SAMMSON: variants seen among roughly 807,000 people sequenced by gnomAD.
SAMMSON encodes the protein survival associated mitochondrial melanoma specific oncogenic non-coding RNA, also known as long intergenic non-protein coding RNA 1212.
At chr3:70,029,848 A>C (rs565409346) in intron 3 of SAMMSON, among the ~76,000 whole-genome samples, 6 of 152,130 alleles carry the variant, frequency 3.9e-5, no homozygotes, top group African/African-American at 1.4e-4. Flanking sequence ...AATAGGAAGA[A>C]TTGGTTGAAA....
intron 6 of SAMMSON, among the ~76,000 whole-genome samples, chr3:70,263,476 A>T (rs994928256): frequency 2.0e-5 from 3 of 152,140 alleles, no homozygotes; most frequent in Non-Finnish European, 4.4e-5. Flanking sequence ...ATACTCACAG[A>T]TGTTTCTCCT....
chr3:70,065,711 C>G (rs1286044944), intron 3 of SAMMSON, among the ~76,000 whole-genome samples: 2 of 151,900 alleles, frequency 1.3e-5, no homozygotes, highest in Non-Finnish European at 1.5e-5. Context: ...TGGGTAGAAG[C>G]CAGGGATCCT....
intron 4 of SAMMSON, among the ~76,000 whole-genome samples, chr3:70,163,975 C>T (rs1349814737): frequency 6.6e-6 from 1 of 151,998 alleles, no homozygotes; most frequent in Non-Finnish European, 1.5e-5. Flanking sequence ...CCCATGAACC[C>T]TATTTTTAAG....
chr3:70,288,674 T>A (rs923211923), intron 6 of SAMMSON, among the ~76,000 whole-genome samples: 3 of 151,918 alleles, frequency 2.0e-5, no homozygotes, highest in African/African-American at 7.3e-5. Context: ...AAGTCTCCCA[T>A]TATTAATGTG....
At chr3:70,021,126 A>C (rs1339487760) in intron 3 of SAMMSON, among the ~76,000 whole-genome samples, 1 of 152,150 alleles carries the variant, frequency 6.6e-6, no homozygotes, top group Non-Finnish European at 1.5e-5. Context: ...CATGGAAAAC[A>C]TTCCCTGTGT....
intron 4 of SAMMSON, among the ~76,000 whole-genome samples, chr3:70,092,319 G>T (rs115520693): frequency 0.011 from 1,608 of 152,050 alleles, 23 homozygotes; most frequent in Non-Finnish European, 0.017. Context: ...GAATATACAT[G>T]ATGGACACTT....
intron 4 of SAMMSON, among the ~76,000 whole-genome samples, chr3:70,237,979 C>CTTTTTTTTTTTTTT (rs71672662): frequency 0.011 from 546 of 48,938 alleles, 190 homozygotes; most frequent in African/African-American, 0.034. Context: ...TGAGTGGTAT[C>CTTTTTTTTTTTTTT]TTTTTTTTTT....
chr3:70,238,130 G>C (rs1701630712), intron 4 of SAMMSON, among the ~76,000 whole-genome samples: 1 of 151,790 alleles, frequency 6.6e-6, no homozygotes, highest in Non-Finnish European at 1.5e-5. Flanking sequence ...GATAGCCAGA[G>C]TCCTCTATCT....
chr3:70,311,475 C>T (rs895543516), intron 7 of SAMMSON, among the ~76,000 whole-genome samples: 3 of 152,140 alleles, frequency 2.0e-5, no homozygotes, highest in African/African-American at 7.2e-5. Flanking sequence ...AATGGTGATT[C>T]TATTTGTAGA....
intron 4 of SAMMSON, among the ~76,000 whole-genome samples, chr3:70,134,246 C>T (rs980567331): frequency 1.4e-4 from 20 of 144,908 alleles, no homozygotes; most frequent in African/African-American, 2.1e-4. Flanking sequence ...GGTGACAGGA[C>T]GAGATTCCAT....
intron 4 of SAMMSON, among the ~76,000 whole-genome samples, chr3:70,134,836 C>T (rs756023086): frequency 4.7e-4 from 72 of 151,888 alleles, no homozygotes; most frequent in Non-Finnish European, 6.5e-4. Context: ...ATTTATCTTT[C>T]CAAAGTATCT....
chr3:70,142,918 C>T (rs1445784275), intron 4 of SAMMSON, among the ~76,000 whole-genome samples: 1 of 151,970 alleles, frequency 6.6e-6, no homozygotes, highest in Non-Finnish European at 1.5e-5. Context: ...ATACTTGAGT[C>T]CCTATTTCAC....
At chr3:70,298,142 A>T (rs796438877) in intron 7 of SAMMSON, among the ~76,000 whole-genome samples, 1 of 152,146 alleles carries the variant, frequency 6.6e-6, no homozygotes, top group South Asian at 2.1e-4. Context: ...TTTGAAAATT[A>T]AAGTTAGATT....
intron 4 of SAMMSON, among the ~76,000 whole-genome samples, chr3:70,131,990 A>G (rs1230613003): frequency 6.6e-6 from 1 of 152,130 alleles, no homozygotes; most frequent in Non-Finnish European, 1.5e-5. Flanking sequence ...TTCCCAAATG[A>G]CTGAAAGGAC....
chr3:70,104,387 T>A (rs926552230), intron 4 of SAMMSON, among the ~76,000 whole-genome samples: 2 of 151,860 alleles, frequency 1.3e-5, no homozygotes, highest in East Asian at 3.9e-4. Context: ...AACCAGTGAG[T>A]GAAATCATGC....
At chr3:70,078,416 G>A (rs1162976962) in intron 4 of SAMMSON, among the ~76,000 whole-genome samples, 1 of 152,078 alleles carries the variant, frequency 6.6e-6, no homozygotes, top group Non-Finnish European at 1.5e-5. Context: ...GTCTCTGGGT[G>A]TGGAGTGGCA....
intron 2 of SAMMSON, among the ~76,000 whole-genome samples, chr3:70,404,677 A>C (rs1701165872): frequency 6.6e-6 from 1 of 152,206 alleles, no homozygotes; most frequent in African/African-American, 2.4e-5. Context: ...AAGAAATAAC[A>C]TCAGATAAAA....
intron 6 of SAMMSON, among the ~76,000 whole-genome samples, chr3:70,289,853 G>A (rs1253521925): frequency 5.3e-5 from 8 of 151,484 alleles, no homozygotes; most frequent in South Asian, 2.1e-4. Flanking sequence ...TGATTGCATC[G>A]GCTCCTGAGG....
Position 70,077,951 on chromosome 3 carries a change from C to A in SAMMSON, n.507+6386C>A, listed in dbSNP as rs74477171. 3.5e-3 allele frequency among the ~76,000 whole-genome samples: 538 copies of A among 152,330 alleles called. 5 individuals are homozygous for A. The highest frequency in any genetic ancestry group is 0.012 in the African/African-American group (497 of 41,574). The stretch of plus-strand genomic sequence containing the variant: ...AGGGCTCCTGATTTCATTCCTTCTT[C>A]TTCTACTGGCTGCAACCACTCTTGG... On this transcript the variant is annotated intron_variant and non_coding_transcript_variant, in intron 4 of 9. Transcript: ENST00000642114.
Sources: allele counts gnomAD v4.1 joint callset (sites outside exome capture counted in the v4.1 genomes callset), GRCh38; gene constraint gnomAD v4.1.1; transcripts MANE v1.5; gene names NCBI Gene and HGNC (gene_info 2026-07-23, HGNC 2026-07-21).